TAOK3: variants seen among roughly 807,000 people sequenced by gnomAD.
TAOK3 encodes serine/threonine-protein kinase TAO3.
TAOK3 carries 40 observed loss-of-function variants against 120.4 expected under a neutral mutation model. That is an observed-to-expected ratio of 0.33 (90% CI 0.26 to 0.43). The LOEUF is 0.43. Ranked by LOEUF, TAOK3 falls within the 20% of genes least tolerant of loss-of-function variation. The pLI is 1.00. For synonymous variants in TAOK3, 355 were observed against 387.5 expected, an observed-to-expected ratio of 0.92 and a Z score of 0.99; for missense variants, 821 against 1,112.1, an observed-to-expected ratio of 0.74 and a Z score of 3.72.
intron 1 of TAOK3, among the ~76,000 whole-genome samples, chr12:118,280,816 T>G (rs753905737): frequency 3.9e-5 from 6 of 152,254 alleles, no homozygotes; most frequent in Non-Finnish European, 5.9e-5. Flanking sequence ...ATATTAAGTC[T>G]TCCTATCCAT....
At chr12:118,173,548 G>C (rs1313448638) in intron 16 of TAOK3, among the ~76,000 whole-genome samples, 3 of 152,246 alleles carry the variant, frequency 2.0e-5, no homozygotes, top group African/African-American at 7.2e-5. Flanking sequence ...ACAAGACTGA[G>C]AGAAGCAGAC....
intron 1 of TAOK3, among the ~76,000 whole-genome samples, chr12:118,326,000 T>C (rs1366807935): frequency 1.3e-5 from 2 of 152,166 alleles, no homozygotes; most frequent in Non-Finnish European, 2.9e-5. Context: ...CTTTGTTGAT[T>C]GTTTCTTTTG....
At chr12:118,209,646 G>A (rs1373510476) in intron 11 of TAOK3, among the ~76,000 whole-genome samples, 1 of 151,988 alleles carries the variant, frequency 6.6e-6, no homozygotes, top group African/African-American at 2.4e-5. Context: ...TGATCTGCCT[G>A]CTTTGGCCTC....
At chr12:118,256,547 T>C (rs1001004803) in intron 2 of TAOK3, among the ~76,000 whole-genome samples, 1 of 152,230 alleles carries the variant, frequency 6.6e-6, no homozygotes. Flanking sequence ...AAATGTGGTA[T>C]ATCCATATAA....
At chr12:118,267,562 A>G (rs562185881) in intron 1 of TAOK3, among the ~76,000 whole-genome samples, 73 of 151,468 alleles carry the variant, frequency 4.8e-4, no homozygotes, top group South Asian at 1.5e-3. Flanking sequence ...TACATGCCCA[A>G]TGTAGAAAAC....
At chr12:118,238,663 C>A (rs2139923048) in intron 6 of TAOK3, among the ~76,000 whole-genome samples, 1 of 148,564 alleles carries the variant, frequency 6.7e-6, no homozygotes, top group East Asian at 2.0e-4. Flanking sequence ...AGACAGGGGT[C>A]TCACTCTGTT....
chr12:118,167,198 ATCT>A (rs912199496), intron 17 of TAOK3, among the ~76,000 whole-genome samples: 4 of 152,046 alleles, frequency 2.6e-5, no homozygotes, highest in African/African-American at 9.7e-5. Flanking sequence ...AGTTTCAGTG[ATCT>A]TCTTGTTTTC....
chr12:118,366,470 T>C (rs1373867132), intron 1 of TAOK3, among the ~76,000 whole-genome samples: 1 of 152,104 alleles, frequency 6.6e-6, no homozygotes, highest in African/African-American at 2.4e-5. Flanking sequence ...GCCAATATCA[T>C]TAGAAAGTGA....
chr12:118,315,813 G>GA (rs1024517842), intron 1 of TAOK3, among the ~76,000 whole-genome samples: 5 of 151,950 alleles, frequency 3.3e-5, no homozygotes, highest in African/African-American at 1.2e-4. Flanking sequence ...GCACATGAGA[G>GA]AAAAAAATTG....
intron 17 of TAOK3, among the ~76,000 whole-genome samples, chr12:118,162,253 A>G (rs1368041571): frequency 6.6e-6 from 1 of 152,134 alleles, no homozygotes; most frequent in Non-Finnish European, 1.5e-5. Flanking sequence ...CACAGCAATC[A>G]CTACTGTACT....
intron 4 of TAOK3, among the ~76,000 whole-genome samples, chr12:118,244,526 T>C (rs2040394952): frequency 9.6e-6 from 1 of 104,144 alleles, no homozygotes; most frequent in South Asian, 3.7e-4. Flanking sequence ...ATTTCTTTTT[T>C]CTTTTTCTTT....
Position 118,211,606 on chromosome 12 carries a change from T to C in TAOK3, c.819+1308A>G, listed in dbSNP as rs575811690. Reference sequence around the variant, plus strand: ...TTTTAACATCGCCCAAATTTATTCATATTTTCCTTTTTTTTTTTTTTTTAA... The same window carrying C: ...TTTTAACATCGCCCAAATTTATTCACATTTTCCTTTTTTTTTTTTTTTTAA... On this transcript the variant is annotated intron_variant, in intron 11 of 20. Transcript: ENST00000392533. Among the ~76,000 whole-genome samples the C allele has an allele frequency of 4.2e-4, 54 of 130,114 alleles. No individual in the cohort carries two copies. The East Asian group carries it at 0.012, about 28-fold the overall frequency. The allele number at this position is 130,114 out of a possible 152,430, so 85.4% of individuals were successfully genotyped here. A position where few individuals can be genotyped will look rare whatever the true frequency, so the allele number is the denominator to read the frequency against.
chr12:118,198,693 C>T (rs1048311971), intron 13 of TAOK3: 4 of 268,006 alleles, frequency 1.5e-5, no homozygotes, highest in African/African-American at 8.8e-5. Context: ...AGCCAAGAAA[C>T]ATACTTTTGA....
chr12:118,300,768 T>A (rs925959625), intron 1 of TAOK3, among the ~76,000 whole-genome samples: 5 of 152,142 alleles, frequency 3.3e-5, no homozygotes, highest in East Asian at 1.9e-4. Context: ...GATTTTTTTT[T>A]AAATTTTAAT....
intron 1 of TAOK3, among the ~76,000 whole-genome samples, chr12:118,276,170 T>C (rs1341295327): frequency 6.6e-6 from 1 of 151,998 alleles, no homozygotes; most frequent in East Asian, 1.9e-4. Flanking sequence ...AGAAGCAAGG[T>C]TAAAAACACT....
intron 3 of TAOK3, among the ~76,000 whole-genome samples, chr12:118,245,299 G>A (rs893964934): frequency 2.0e-5 from 3 of 151,988 alleles, no homozygotes; most frequent in African/African-American, 7.3e-5. Context: ...GCCTCCCAAA[G>A]TGCTGAGATT....
At chr12:118,322,662 T>C (rs1001472935) in intron 1 of TAOK3, among the ~76,000 whole-genome samples, 2 of 151,576 alleles carry the variant, frequency 1.3e-5, no homozygotes, top group East Asian at 1.9e-4. Context: ...TTTTCCCATG[T>C]CAAGAACTAT....
chr12:118,356,580 G>A (rs1261501569), intron 1 of TAOK3, among the ~76,000 whole-genome samples: 1 of 151,658 alleles, frequency 6.6e-6, no homozygotes, highest in Non-Finnish European at 1.5e-5. Flanking sequence ...GATTACAGGC[G>A]TCAGCAACAA....
chr12:118,150,265 T>A lies in TAOK3; in HGVS notation c.*732A>T, dbSNP rs1054405125. 2 of 152,624 alleles carry A rather than the reference T, an allele frequency of 1.3e-5. No individual in the cohort carries two copies. Among genetic ancestry groups the A allele is most frequent in the Non-Finnish European group, 2.9e-5 (2 of 68,022 alleles). 9.5% of individuals were successfully genotyped at this position (152,624 alleles called of 1,614,324 possible). ...GGATTCTGTGAGCTCCTTAAGTGTA[T>A]TCACATCCTCTGCAACAGCAGAAAA... On this transcript the variant is annotated 3_prime_UTR_variant, in exon 21 of 21. Coordinates refer to ENST00000392533, the MANE Select transcript of TAOK3 (RefSeq NM_016281.4).
Sources: gnomAD v4.1 joint callset for allele counts (sites outside exome capture counted in the v4.1 genomes callset) on GRCh38, gnomAD v4.1.1 for gene constraint, MANE v1.5 for transcripts, NCBI Gene and HGNC (gene_info 2026-07-23, HGNC 2026-07-21) for gene names.